The following TMEM260 variants were observed in gnomAD, a reference collection of about 807,000 sequenced individuals.
TMEM260 encodes protein O-mannosyl-transferase TMEM260.
TMEM260 carries 82 observed loss-of-function variants against 88.9 expected under a neutral mutation model. The ratio of observed to expected loss-of-function variants is 0.92; its 90% CI spans 0.77 to 1.11. TMEM260 has a LOEUF of 1.11. Ranked by LOEUF, TMEM260 falls within the 50% of genes least tolerant of loss-of-function variation. The probability of loss-of-function intolerance (pLI) is 0.00; values close to 1 mark genes in which losing one functional copy is unlikely to be tolerated. For missense variants in TMEM260, 902 were observed against 853.4 expected (o/e 1.06, Z -0.71); for synonymous variants, 314 against 309.3 (o/e 1.02, Z -0.16).
chr14:56,660,271 G>A, the TMEM260 span, among the ~76,000 whole-genome samples: 169 of 152,254 alleles, frequency 1.1e-3, no homozygotes, highest in African/African-American at 3.8e-3. Flanking sequence ...AATGTGGTTC[G>A]GAATAGGAGG....
At chr14:56,639,572 A>G (rs959395120) in intron 15 of TMEM260, among the ~76,000 whole-genome samples, 54 of 152,212 alleles carry the variant, frequency 3.5e-4, no homozygotes, top group Non-Finnish European at 6.6e-4. Flanking sequence ...CAGCATGAGC[A>G]ACGCAGAAGA....
intron 2 of TMEM260, 86 bp from the exon 3 acceptor site, chr14:56,585,675 A>G: frequency 3.8e-6 from 5 of 1,315,920 alleles, no homozygotes; most frequent in Non-Finnish European, 5.3e-6. Flanking sequence ...TAGCTGCTTG[A>G]GAAAAGGGCT....
Position 56,625,485 on chromosome 14 carries a change from G to A in TMEM260, c.1502G>A (p.Gly501Glu). 3 of 1,610,498 alleles carry A rather than the reference G, an allele frequency of 1.9e-6. No homozygotes were observed. The highest frequency in any genetic ancestry group is 2.5e-6 in the Non-Finnish European group (3 of 1,176,838). ...CCTGTGGAAGGAATATTACCTAGTGGAATGGTCACATTTAATCTTTATCAT... is the reference window on the plus strand; with the variant it reads ...CCTGTGGAAGGAATATTACCTAGTGAAATGGTCACATTTAATCTTTATCAT... ...WNPVEGILPSGMVTFNLYHFL... is the reference protein window; with the variant it reads ...WNPVEGILPSEMVTFNLYHFL... The change falls in exon 12 of 16, where the codon GGA becomes GAA. Residue 501 changes from glycine (G) to glutamate (E), a missense_variant. Coordinates refer to ENST00000261556, the MANE Select transcript of TMEM260 (RefSeq NM_017799.4).
At chr14:56,660,070 A>T in the TMEM260 span, among the ~76,000 whole-genome samples, 38 of 152,240 alleles carry the variant, frequency 2.5e-4, no homozygotes, top group African/African-American at 8.7e-4. Context: ...TTGCATTCCT[A>T]AAGCAGATGC....
intron 10 of TMEM260, 53 bp downstream of exon 10, chr14:56,618,816 A>G: frequency 2.6e-6 from 4 of 1,519,914 alleles, no homozygotes; most frequent in Non-Finnish European, 3.6e-6. Flanking sequence ...AGATACCTGA[A>G]TATTTAGATT....
At chr14:56,642,159 TAA>T (rs1357873436) in intron 15 of TMEM260, among the ~76,000 whole-genome samples, 11 of 152,236 alleles carry the variant, frequency 7.2e-5, no homozygotes, top group African/African-American at 2.6e-4. Context: ...GAAGCGGACC[TAA>T]TAGAGATCTA....
At chr14:56,636,688 G>A in intron 15 of TMEM260, 90 bp downstream of exon 15, 1 of 1,118,206 alleles carries the variant, frequency 8.9e-7, no homozygotes, top group Non-Finnish European at 1.3e-6. Context: ...TATCACATTA[G>A]AATTTTTATT....
At chr14:56,599,850 C>G (rs977814443) in intron 3 of TMEM260, among the ~76,000 whole-genome samples, 5 of 152,174 alleles carry the variant, frequency 3.3e-5, no homozygotes, top group Non-Finnish European at 2.9e-5. Flanking sequence ...TCAAGCATCT[C>G]AAGTTTTTTA....
intron 6 of TMEM260, 112 bp downstream of exon 6, chr14:56,609,397 G>A: frequency 9.6e-7 from 1 of 1,038,900 alleles, no homozygotes; most frequent in Non-Finnish European, 1.4e-6. Flanking sequence ...TCAAATGTTT[G>A]TTTTGGTTAT....
chr14:56,641,021 G>A lies in TMEM260; in HGVS notation c.1869+4423G>A, dbSNP rs1889551734. On this transcript the variant is annotated intron_variant, in intron 15 of 15. Coordinates refer to ENST00000261556, the MANE Select transcript of TMEM260 (RefSeq NM_017799.4). ...AACAAGAAATATGGGACTATGAAAA[G>A]ACCAAATCTATGTCTGATTGGTGTA... is the stretch of plus-strand genomic sequence containing the variant. Among the ~76,000 whole-genome samples, 5 of 152,214 alleles carry A rather than the reference G, an allele frequency of 3.3e-5. No individual in the cohort carries two copies. In the South Asian group the frequency reaches 1.0e-3, roughly 32 times the overall value.
Position 56,621,750 on chromosome 14 carries a change from A to C in TMEM260, c.1398+48A>C, listed in dbSNP as rs767713780. The C allele has an allele frequency of 4.6e-6, 7 of 1,519,216 alleles. No individual in the cohort carries two copies. In the South Asian group the frequency reaches 7.6e-5, roughly 17 times the overall value. 94.1% of individuals were successfully genotyped at this position (1,519,216 alleles called of 1,614,324 possible). A position where few individuals can be genotyped will look rare whatever the true frequency, so the allele number is the denominator to read the frequency against. ...TAGAATATAGCGATGATTTAAAAACATATGTTTTGGAAAAAACATCTTTTT... is the reference window on the plus strand; with the variant it reads ...TAGAATATAGCGATGATTTAAAAACCTATGTTTTGGAAAAAACATCTTTTT... On this transcript the variant is annotated intron_variant, in intron 11 of 15. Transcript: ENST00000261556.
downstream of TMEM260, among the ~76,000 whole-genome samples, chr14:56,654,277 AG>A (rs1890261163): frequency 6.6e-6 from 1 of 152,220 alleles, no homozygotes; most frequent in Non-Finnish European, 1.5e-5. Context: ...TTTGAAATCC[AG>A]GAACTTATTA....
chr14:56,635,125 A>C (rs995658417), intron 14 of TMEM260, among the ~76,000 whole-genome samples, 173 bp downstream of exon 14: 2 of 152,168 alleles, frequency 1.3e-5, no homozygotes, highest in African/African-American at 4.8e-5. Flanking sequence ...ATTTCAGTTC[A>C]TCCACACAAT....
rs75528245 is a variant in TMEM260, at chr14:56,595,989, A to G, written c.345-7826A>G. ...CCATACAAACATCATTTTATTTAAG[A>G]AAAAAAATCAATGTAACAAGTTTAA... On this transcript the variant is annotated intron_variant, in intron 3 of 15. Transcript: ENST00000261556. 4.6e-3 allele frequency among the ~76,000 whole-genome samples: 697 copies of G among 152,100 alleles called. 3 individuals carry two copies. Among genetic ancestry groups the G allele is most frequent in the Middle Eastern group, 6.8e-3 (2 of 294 alleles).
At chr14:56,650,652 T>C (rs1183075048), downstream of TMEM260, 1 of 152,338 alleles carries the variant, frequency 6.6e-6, no homozygotes, top group Non-Finnish European at 1.5e-5. Flanking sequence ...AATCATAATG[T>C]TTAGCCTTTA....
At position 56,615,929 on chromosome 14, in the gene TMEM260, G is replaced by C. The variant is rs867536030; in HGVS notation, c.858-15G>C. 1 of 1,582,426 alleles carries C rather than the reference G, an allele frequency of 6.3e-7. No homozygotes were observed. Among genetic ancestry groups the C allele is most frequent in the Middle Eastern group, 1.7e-4 (1 of 5,994 alleles). ...TTTGTTTCCTGCCAACAATAAGTTA[G>C]ATTGTTTTTTGCAGTTCTCAAGTAA... On this transcript the variant is annotated splice_polypyrimidine_tract_variant and intron_variant, in intron 7 of 15. Coordinates refer to ENST00000261556, the MANE Select transcript of TMEM260 (RefSeq NM_017799.4).
In TMEM260 at chr14:56,622,797, TAATG is replaced by T. The variant is rs560633079; in HGVS notation, c.1398+1099_1398+1102del. Among the ~76,000 whole-genome samples the T allele has an allele frequency of 5.0e-4, 76 of 152,348 alleles. 1 individual carries two copies. Among genetic ancestry groups the T allele is most frequent in the Middle Eastern group, 3.4e-3 (1 of 294 alleles). ...TAGTACTTAATGCACTTTGTTGAAT[TAATG>T]AATAATTATAATTTTTGGAGAAAAC... On this transcript the variant is annotated intron_variant, in intron 11 of 15. Coordinates refer to ENST00000261556, the MANE Select transcript of TMEM260 (RefSeq NM_017799.4).
At chr14:56,580,225 A>G (rs568123381) in intron 1 of TMEM260, 151 bp downstream of exon 1, 13 of 606,668 alleles carry the variant, frequency 2.1e-5, no homozygotes, top group African/African-American at 2.1e-4. Flanking sequence ...TGTGTGTTCC[A>G]GAGCCCACTT....
downstream of TMEM260, among the ~76,000 whole-genome samples, chr14:56,651,346 G>A (rs189036810): frequency 1.3e-3 from 193 of 152,064 alleles, 9 homozygotes; most frequent in South Asian, 0.033. Flanking sequence ...AATTCTGATT[G>A]CTCTTCAACA....
Sources: allele counts gnomAD v4.1 joint callset (sites outside exome capture counted in the v4.1 genomes callset), GRCh38; gene constraint gnomAD v4.1.1; transcripts MANE v1.5; gene names NCBI Gene and HGNC (gene_info 2026-07-23, HGNC 2026-07-21).